MCF2L2: variants seen among roughly 807,000 people sequenced by gnomAD.
MCF2L2 encodes probable guanine nucleotide exchange factor MCF2L2.
A neutral mutation model predicts 150.2 loss-of-function variants in MCF2L2; 102 were observed. The ratio of observed to expected loss-of-function variants is 0.68; its 90% CI spans 0.58 to 0.80. MCF2L2 has a LOEUF of 0.80. Among genes scored for constraint, MCF2L2 ranks in the 30% least tolerant of loss-of-function variants. The pLI, the probability that MCF2L2 is intolerant of heterozygous loss-of-function variation, is 0.00. For missense variants in MCF2L2, 1,256 were observed against 1,372.8 expected, an observed-to-expected ratio of 0.91 and a Z score of 1.34; for synonymous variants, 465 against 491.3, an observed-to-expected ratio of 0.95 and a Z score of 0.71.
rs539361949 is a variant in MCF2L2, at chr3:183,281,390, C to G, written c.1777-4433G>C. Among the ~76,000 whole-genome samples the G allele has an allele frequency of 5.1e-5, 7 of 136,666 alleles. No homozygotes were observed. In the South Asian group the frequency reaches 1.4e-3, roughly 27 times the overall value. The allele number at this position is 136,666 out of a possible 152,430, so 89.7% of individuals were successfully genotyped here. Reference sequence around the variant, plus strand: ...TTTTTTTTTTTTTTTTTTGGAAACTCACTGGGTTTTGATATGGAGAACAGG... The same window carrying G: ...TTTTTTTTTTTTTTTTTTGGAAACTGACTGGGTTTTGATATGGAGAACAGG... On this transcript the variant is annotated intron_variant, in intron 14 of 29. Coordinates refer to ENST00000328913, the MANE Select transcript of MCF2L2 (RefSeq NM_015078.4).
At chr3:183,199,677 G>C (rs1393911878) in intron 25 of MCF2L2, among the ~76,000 whole-genome samples, 2 of 149,904 alleles carry the variant, frequency 1.3e-5, no homozygotes, top group Non-Finnish European at 3.0e-5. Flanking sequence ...CAACATGCAG[G>C]TTTGTTACAT....
chr3:183,400,329 T>C (rs1187987927), intron 1 of MCF2L2: 1 of 441,642 alleles, frequency 2.3e-6, no homozygotes, highest in South Asian at 1.6e-5. Context: ...ATAAAACACA[T>C]GCATCCTTGC....
intron 1 of MCF2L2, among the ~76,000 whole-genome samples, chr3:183,397,535 T>G (rs543564717): frequency 5.9e-5 from 9 of 152,310 alleles, no homozygotes; most frequent in African/African-American, 2.2e-4. Context: ...TTTCAACATA[T>G]GAATTTTGGA....
chr3:183,224,072 GA>G, intron 19 of MCF2L2, 25 bp downstream of exon 19: 1 of 1,566,154 alleles, frequency 6.4e-7, no homozygotes, highest in Non-Finnish European at 8.8e-7. Context: ...CATTTTCCAG[GA>G]AGAAGTTTGT....
At chr3:183,411,969 G>A (rs1577134998) in intron 1 of MCF2L2, among the ~76,000 whole-genome samples, 1 of 152,272 alleles carries the variant, frequency 6.6e-6, no homozygotes, top group East Asian at 1.9e-4. Context: ...AGCTGTGTAC[G>A]TGAATTACGT....
intron 5 of MCF2L2, among the ~76,000 whole-genome samples, chr3:183,332,798 C>G (rs899648428): frequency 2.6e-5 from 4 of 152,102 alleles, no homozygotes; most frequent in Non-Finnish European, 5.9e-5. Flanking sequence ...GAACTCAGGC[C>G]TCACATTTTC....
At chr3:183,280,168 A>T (rs1440904036) in intron 14 of MCF2L2, among the ~76,000 whole-genome samples, 2 of 151,988 alleles carry the variant, frequency 1.3e-5, no homozygotes, top group African/African-American at 4.8e-5. Flanking sequence ...AGTGACGCTT[A>T]CCAACACGCA....
chr3:183,318,269 T>G, intron 6 of MCF2L2, 52 bp from the exon 7 acceptor site: 1 of 1,592,712 alleles, frequency 6.3e-7, no homozygotes. Context: ...TTCACCAACA[T>G]GCTGTCTTGA....
Position 183,428,089 on chromosome 3 carries a change from T to G in MCF2L2, c.-112A>C. 2 of 792,996 alleles carry G rather than the reference T, an allele frequency of 2.5e-6. No individual in the cohort carries two copies. Among genetic ancestry groups the G allele is most frequent in the Non-Finnish European group, 2.2e-6 (1 of 461,812 alleles). The allele number at this position is 792,996 out of a possible 1,614,324, so 49.1% of individuals were successfully genotyped here. A position where few individuals can be genotyped will look rare whatever the true frequency, so the allele number is the denominator to read the frequency against. ...CCAAGGATGCTCTGCCCTCGCCCTCTTCCTGGCTCTCCAGGCAAGAAACGA... is the reference window on the plus strand; with the variant it reads ...CCAAGGATGCTCTGCCCTCGCCCTCGTCCTGGCTCTCCAGGCAAGAAACGA... On this transcript the variant is annotated 5_prime_UTR_variant, in exon 1 of 30. Transcript: ENST00000328913. The surrounding 1 kb of genome is among the most constrained non-coding windows in gnomAD (Gnocchi z 5.1).
chr3:183,292,836 C>A (rs1261275411), intron 13 of MCF2L2, among the ~76,000 whole-genome samples: 2 of 151,766 alleles, frequency 1.3e-5, no homozygotes, highest in Non-Finnish European at 2.9e-5. Context: ...TATGGTAATC[C>A]CCAGTCTGGT....
intron 3 of MCF2L2, among the ~76,000 whole-genome samples, chr3:183,352,518 G>T (rs889671589): frequency 3.0e-4 from 46 of 152,028 alleles, no homozygotes; most frequent in African/African-American, 1.1e-3. Flanking sequence ...GAGAGACTTT[G>T]TCTCAAAAAA....
At chr3:183,356,385 C>T (rs1168152574) in intron 3 of MCF2L2, among the ~76,000 whole-genome samples, 1 of 152,064 alleles carries the variant, frequency 6.6e-6, no homozygotes, top group Admixed American at 6.6e-5. Context: ...TGGTGGCATG[C>T]ACCTGTAGTC....
chr3:183,296,646 C>A (rs1560005690), intron 12 of MCF2L2: 1 of 213,514 alleles, frequency 4.7e-6, no homozygotes, highest in East Asian at 1.1e-4. Context: ...TAATGTCAGC[C>A]TCTCCCACAA....
At chr3:183,354,571 C>T (rs1036456600) in intron 3 of MCF2L2, among the ~76,000 whole-genome samples, 1 of 144,580 alleles carries the variant, frequency 6.9e-6, no homozygotes, top group Non-Finnish European at 1.5e-5. Flanking sequence ...CAACCAATTA[C>T]CAATCAGAAA....
chr3:183,309,303 A>G (rs752289148), intron 10 of MCF2L2, among the ~76,000 whole-genome samples: 5 of 151,188 alleles, frequency 3.3e-5, no homozygotes, highest in Non-Finnish European at 7.4e-5. Flanking sequence ...AAAGTTTCCC[A>G]TCCTTACTAC....
At position 183,388,325 on chromosome 3, in the gene MCF2L2, T is replaced by C. The variant is rs74608325; in HGVS notation, c.160+1371A>G. Among the ~76,000 whole-genome samples, 1,022 of 138,652 alleles carry C rather than the reference T, an allele frequency of 7.4e-3. 7 individuals are homozygous for C. The highest frequency in any genetic ancestry group is 0.025 in the African/African-American group (940 of 37,868). 91.0% of individuals were successfully genotyped at this position (138,652 alleles called of 152,430 possible). On this transcript the variant is annotated intron_variant, in intron 2 of 29. Coordinates refer to ENST00000328913, the MANE Select transcript of MCF2L2 (RefSeq NM_015078.4). ...CATCCATTCCAGACCTTGAGCTGCA[T>C]GGTGGTCTCGGGGCCTTCTGTGGTA...
At chr3:183,199,754 T>C (rs1321466451) in intron 25 of MCF2L2, among the ~76,000 whole-genome samples, 2 of 151,326 alleles carry the variant, frequency 1.3e-5, no homozygotes, top group Non-Finnish European at 2.9e-5. Flanking sequence ...GTATATCCCC[T>C]AATGCTATCT....
intron 3 of MCF2L2, 49 bp downstream of exon 3, chr3:183,379,248 G>T: frequency 7.2e-7 from 1 of 1,387,784 alleles, no homozygotes; most frequent in Non-Finnish European, 1.0e-6. Flanking sequence ...CATGGGAAGT[G>T]TGGAATAAAG....
At chr3:183,426,141 T>C (rs937104430) in intron 1 of MCF2L2, among the ~76,000 whole-genome samples, 2 of 152,104 alleles carry the variant, frequency 1.3e-5, no homozygotes, top group African/African-American at 4.8e-5. Context: ...AACAAATTCC[T>C]ATGTGTATCC....
Sources: allele counts gnomAD v4.1 joint callset (sites outside exome capture counted in the v4.1 genomes callset), GRCh38; gene constraint gnomAD v4.1.1; non-coding constraint Gnocchi (gnomAD v3.1); transcripts MANE v1.5; gene names NCBI Gene and HGNC (gene_info 2026-07-23, HGNC 2026-07-21).